The following YAF2 variants were observed in gnomAD, a reference collection of about 807,000 sequenced individuals.
YAF2 encodes YY1-associated factor 2.
In YAF2, 7 loss-of-function variants were observed where a neutral mutation model predicts 20.1. The ratio of observed to expected loss-of-function variants is 0.35; its 90% CI spans 0.20 to 0.65. The LOEUF (loss-of-function observed/expected upper bound fraction) is 0.65. Ranked by LOEUF, YAF2 falls within the 30% of genes least tolerant of loss-of-function variation. The pLI, the probability that YAF2 is intolerant of heterozygous loss-of-function variation, is 0.69. For synonymous variants in YAF2, 74 were observed against 76.0 expected, an observed-to-expected ratio of 0.97 and a Z score of 0.14; for missense variants, 151 against 219.2, an observed-to-expected ratio of 0.69 and a Z score of 1.96.
At position 42,196,210 on chromosome 12, in the gene YAF2, G is replaced by A. The variant is rs570040359; in HGVS notation, c.153-34445C>T. 4.1e-5 allele frequency among the ~76,000 whole-genome samples: 5 copies of A among 122,462 alleles called. No individual in the cohort carries two copies. The South Asian group carries it at 1.3e-3, about 33-fold the overall frequency. The allele number at this position is 122,462 out of a possible 152,430, so 80.3% of individuals were successfully genotyped here. ...CCACTGCACTCCAGCCTGGGCGACAGAGCAAGAATCCATCTGGAAAAAAAA... is the reference window on the plus strand; with the variant it reads ...CCACTGCACTCCAGCCTGGGCGACAAAGCAAGAATCCATCTGGAAAAAAAA... On this transcript the variant is annotated intron_variant, in intron 2 of 3. Transcript: ENST00000534854.
intron 2 of YAF2, among the ~76,000 whole-genome samples, chr12:42,189,041 G>A (rs751658144): frequency 2.1e-4 from 32 of 152,180 alleles, no homozygotes; most frequent in Non-Finnish European, 4.6e-4. Flanking sequence ...TGTCAGGAAA[G>A]CCTTCCTGTA....
At chr12:42,228,292 A>G (rs1241450960) in intron 2 of YAF2, among the ~76,000 whole-genome samples, 1 of 25,780 alleles carries the variant, frequency 3.9e-5, no homozygotes, top group Non-Finnish European at 5.6e-5. Context: ...TCCGGGAGGG[A>G]GGTGGGGGGG....
At chr12:42,214,448 T>A (rs1038419865) in intron 2 of YAF2, among the ~76,000 whole-genome samples, 3 of 152,050 alleles carry the variant, frequency 2.0e-5, no homozygotes, top group African/African-American at 7.2e-5. Flanking sequence ...ATTTTTATAC[T>A]TTTTGTAGAG....
chr12:42,181,019 T>C (rs1042202974), intron 2 of YAF2, among the ~76,000 whole-genome samples: 4 of 152,212 alleles, frequency 2.6e-5, no homozygotes, highest in Non-Finnish European at 5.9e-5. Flanking sequence ...AATGGGAGGA[T>C]GGCTTCTTTG....
chr12:42,166,156 G>A (rs2065912571), intron 2 of YAF2, among the ~76,000 whole-genome samples: 1 of 152,120 alleles, frequency 6.6e-6, no homozygotes, highest in Admixed American at 6.5e-5. Context: ...CAGGTGATCC[G>A]CCTGTCTTGG....
intron 2 of YAF2, among the ~76,000 whole-genome samples, chr12:42,228,092 A>G (rs2067810148): frequency 1.4e-5 from 1 of 71,650 alleles, no homozygotes; most frequent in African/African-American, 6.1e-5. Flanking sequence ...AGCCGCCCCT[A>G]CTGGGAAGTG....
At chr12:42,181,455 C>T (rs1055743969) in intron 2 of YAF2, among the ~76,000 whole-genome samples, 2 of 151,492 alleles carry the variant, frequency 1.3e-5, no homozygotes, top group African/African-American at 2.5e-5. Flanking sequence ...TTACTTCTTG[C>T]GTAATGATCA....
At chr12:42,230,008 C>T (rs1189259471) in intron 2 of YAF2, among the ~76,000 whole-genome samples, 2 of 152,208 alleles carry the variant, frequency 1.3e-5, no homozygotes, top group African/African-American at 4.8e-5. Context: ...CCTGCAATCA[C>T]AGCATTTTGG....
intron 2 of YAF2, among the ~76,000 whole-genome samples, chr12:42,192,135 T>C (rs1381154627): frequency 6.6e-6 from 1 of 151,878 alleles, no homozygotes; most frequent in Admixed American, 6.6e-5. Flanking sequence ...GAATATTGAA[T>C]ATGGAGAAAA....
intron 2 of YAF2, among the ~76,000 whole-genome samples, chr12:42,183,871 A>T (rs2066406777): frequency 6.6e-6 from 1 of 152,214 alleles, no homozygotes; most frequent in Non-Finnish European, 1.5e-5. Context: ...CAAAGCTTCA[A>T]AGGACAGGCT....
chr12:42,214,324 T>G (rs1022466789), intron 2 of YAF2, among the ~76,000 whole-genome samples: 5 of 152,136 alleles, frequency 3.3e-5, no homozygotes, highest in Non-Finnish European at 2.9e-5. Context: ...CAGGCTGGAG[T>G]GCAGTGGCAC....
chr12:42,204,125 T>C (rs2066975373), intron 2 of YAF2, among the ~76,000 whole-genome samples: 1 of 152,046 alleles, frequency 6.6e-6, no homozygotes, highest in Admixed American at 6.6e-5. Flanking sequence ...TCACACAAAC[T>C]AGAAAGGCAA....
At chr12:42,214,416 C>T (rs1193697489) in intron 2 of YAF2, among the ~76,000 whole-genome samples, 2 of 152,082 alleles carry the variant, frequency 1.3e-5, no homozygotes, top group African/African-American at 2.4e-5. Context: ...GGAAACCAGG[C>T]TCATGCTACC....
chr12:42,192,658 G>A (rs2066644761), intron 2 of YAF2, among the ~76,000 whole-genome samples: 1 of 152,172 alleles, frequency 6.6e-6, no homozygotes, highest in African/African-American at 2.4e-5. Flanking sequence ...CACACTATTA[G>A]AGTAGCCCAG....
intron 2 of YAF2, among the ~76,000 whole-genome samples, chr12:42,208,404 C>T (rs954060238): frequency 1.3e-5 from 2 of 151,094 alleles, no homozygotes; most frequent in African/African-American, 2.4e-5. Flanking sequence ...CTAGCCTGGG[C>T]GATCGAGTGA....
chr12:42,178,529 A>T (rs2066256257), intron 2 of YAF2, among the ~76,000 whole-genome samples: 1 of 152,164 alleles, frequency 6.6e-6, no homozygotes, highest in African/African-American at 2.4e-5. Flanking sequence ...TCTCTAAAAC[A>T]CTACAGCCTA....
chr12:42,211,427 CAAA>C (rs34683165), intron 2 of YAF2, among the ~76,000 whole-genome samples: 4 of 51,644 alleles, frequency 7.7e-5, no homozygotes, highest in Middle Eastern at 0.016. Context: ...ACTCTGTCTC[CAAA>C]AAAAAAAAAA....
At position 42,160,664 on chromosome 12, in the gene YAF2, A is replaced by G. The variant is rs12312552; in HGVS notation, c.468T>C (p.Asp156=). 4,605 of 1,613,844 alleles carry G rather than the reference A, an allele frequency of 2.9e-3. 118 individuals are homozygous for G. The African/African-American group carries it at 0.054, about 19-fold the overall frequency. ...DQHSQSGSSS[D]NTERGMSRSS... ...ACCTGGACATTCCTCTCTCTGTGTTATCAGAGCTAGAGCCGCTTTGACTGT... is the reference window on the plus strand; with the variant it reads ...ACCTGGACATTCCTCTCTCTGTGTTGTCAGAGCTAGAGCCGCTTTGACTGT... The change falls in exon 4 of 4, where the codon GAT becomes GAC. Residue 156 remains aspartate, a synonymous_variant. Transcript: ENST00000534854.
chr12:42,221,649 C>T (rs1267236050), intron 2 of YAF2, among the ~76,000 whole-genome samples: 2 of 152,156 alleles, frequency 1.3e-5, no homozygotes, highest in Non-Finnish European at 2.9e-5. Context: ...TACTTCCAGC[C>T]TGTTTTCTTA....
Sources: gnomAD v4.1 joint callset for allele counts (sites outside exome capture counted in the v4.1 genomes callset) on GRCh38, gnomAD v4.1.1 for gene constraint, MANE v1.5 for transcripts, NCBI Gene and HGNC (gene_info 2026-07-23, HGNC 2026-07-21) for gene names.